TUT4: variants seen among roughly 807,000 people sequenced by gnomAD.
The protein encoded by TUT4 is terminal uridylyl transferase 4.
TUT4 carries 36 observed loss-of-function variants against 192.2 expected under a neutral mutation model. The observed-to-expected ratio is 0.19, with a 90% CI of 0.14 to 0.25. The LOEUF (loss-of-function observed/expected upper bound fraction) is 0.25. TUT4 is among the 10% of genes least tolerant of loss of function. TUT4 has a pLI of 1.00. For missense variants in TUT4, 1,493 were observed against 1,957.2 expected, an observed-to-expected ratio of 0.76 and a Z score of 4.47; for synonymous variants, 618 against 666.0, an observed-to-expected ratio of 0.93 and a Z score of 1.11.
At chr1:52,467,098 T>C (rs1018161942) in intron 15 of TUT4, among the ~76,000 whole-genome samples, 4 of 152,136 alleles carry the variant, frequency 2.6e-5, no homozygotes, top group African/African-American at 9.7e-5. Flanking sequence ...TGAGCTATGA[T>C]CATGCCACTG....
At chr1:52,468,928 C>A (rs545069876) in intron 14 of TUT4, among the ~76,000 whole-genome samples, 1 of 152,070 alleles carries the variant, frequency 6.6e-6, no homozygotes, top group African/African-American at 2.4e-5. Context: ...AAAGTTAACA[C>A]AGTAACAGAA....
chr1:52,449,350 G>A (rs566379091), intron 20 of TUT4, among the ~76,000 whole-genome samples: 3 of 152,156 alleles, frequency 2.0e-5, no homozygotes, highest in African/African-American at 7.2e-5. Context: ...CCAGGCTGGA[G>A]TGCAGTGGCA....
At chr1:52,464,831 T>C (rs1570591347) in intron 16 of TUT4, 1 of 351,262 alleles carries the variant, frequency 2.8e-6, no homozygotes, top group East Asian at 4.5e-5. Context: ...TCATTACAAA[T>C]CACTGTAACT....
At chr1:52,521,726 G>C (rs1680335233) in intron 2 of TUT4, among the ~76,000 whole-genome samples, 1 of 151,950 alleles carries the variant, frequency 6.6e-6, no homozygotes, top group African/African-American at 2.4e-5. Flanking sequence ...AGCACTTTGG[G>C]AGGCCAAGGT....
intron 1 of TUT4, among the ~76,000 whole-genome samples, chr1:52,551,235 A>G (rs956894277): frequency 6.6e-6 from 1 of 152,210 alleles, no homozygotes; most frequent in Non-Finnish European, 1.5e-5. Context: ...GACAATGAAA[A>G]TACTTTAAAT....
chr1:52,519,741 A>C (rs967461303), intron 2 of TUT4, among the ~76,000 whole-genome samples: 3 of 152,112 alleles, frequency 2.0e-5, no homozygotes, highest in African/African-American at 7.2e-5. Flanking sequence ...ACCCCTGACC[A>C]CAGGTGATCC....
intron 20 of TUT4, among the ~76,000 whole-genome samples, chr1:52,453,756 A>C (rs1437603361): frequency 6.6e-6 from 1 of 152,236 alleles, no homozygotes; most frequent in African/African-American, 2.4e-5. Flanking sequence ...TAATGCAATG[A>C]AACAAGAAAA....
chr1:52,455,607 TAA>T (rs34934935), intron 20 of TUT4, among the ~76,000 whole-genome samples: 22 of 40,560 alleles, frequency 5.4e-4, no homozygotes, highest in Middle Eastern at 0.026. Context: ...ACGCTACCTT[TAA>T]AAAAAAAAAA....
intron 20 of TUT4, among the ~76,000 whole-genome samples, chr1:52,455,632 A>G (rs978993264): frequency 7.0e-5 from 4 of 57,392 alleles, no homozygotes; most frequent in South Asian, 6.9e-4. Flanking sequence ...AAAAAAAAAG[A>G]CGGGGGAGAG....
intron 24 of TUT4, among the ~76,000 whole-genome samples, chr1:52,444,219 C>T (rs569304790): frequency 3.3e-5 from 5 of 152,104 alleles, no homozygotes; most frequent in African/African-American, 9.6e-5. Context: ...GGTGACAGAG[C>T]GAGACTCCGT....
In TUT4 at chr1:52,429,123, G is replaced by A. The variant is rs559009517; in HGVS notation, c.4711+1890C>T. Among the ~76,000 whole-genome samples the A allele has an allele frequency of 6.4e-3, 855 of 134,380 alleles. 6 individuals carry two copies. The highest frequency in any genetic ancestry group is 0.023 in the African/African-American group (791 of 35,114). The allele number at this position is 134,380 out of a possible 152,430, so 88.2% of individuals were successfully genotyped here. ...TTTTGAGATGGAGTCTCGCTCTGTC[G>A]CCCAGGCTGGAGTGCAGTGGCACGA... On this transcript the variant is annotated intron_variant, in intron 28 of 29. Coordinates refer to ENST00000257177, the MANE Select transcript of TUT4 (RefSeq NM_001009881.3).
chr1:52,511,645 G>A (rs1005660011), intron 3 of TUT4, among the ~76,000 whole-genome samples: 2 of 152,002 alleles, frequency 1.3e-5, no homozygotes, highest in Admixed American at 1.3e-4. Flanking sequence ...TCAAGCAGAG[G>A]GAAAAGTGAA....
chr1:52,535,374 C>T (rs1684632267), intron 1 of TUT4, among the ~76,000 whole-genome samples: 1 of 152,052 alleles, frequency 6.6e-6, no homozygotes, highest in Admixed American at 6.6e-5. Flanking sequence ...TCTAAGAACT[C>T]TCTCTAATTA....
chr1:52,423,946 C>A lies in TUT4; in HGVS notation c.4927G>T (p.Val1643Leu), dbSNP rs1040361172. 22 of 1,613,100 alleles carry A rather than the reference C, an allele frequency of 1.4e-5. No homozygotes were observed. The Admixed American group carries it at 3.2e-4, about 23-fold the overall frequency. The change falls in exon 30 of 30, where the codon GTG becomes TTG. Residue 1643 changes from valine (V) to leucine (L), a missense_variant. This residue lies in a region of TUT4 where 351 missense variants were observed against 397.8 expected (regional missense o/e 0.88). Coordinates refer to ENST00000257177, the MANE Select transcript of TUT4 (RefSeq NM_001009881.3). ...ERCPHPPRGN[V>L]SE ...AAAATGGACTCGCATTACTCCGACA[C>A]GTTTCCTCTTGGTGGGTGGGGACAA... is the stretch of plus-strand genomic sequence containing the variant.
rs373864881 is a variant in TUT4, at chr1:52,461,170, C to T, written c.3285G>A (p.Val1095=). 5.0e-6 allele frequency: 8 copies of T among 1,604,824 alleles called. No homozygotes were observed. In the African/African-American group the frequency reaches 9.4e-5, roughly 19 times the overall value. ...CTTTCATAGTATATCCCAAATACTGCACTCTAGGATCAATAGCTGCATAAG... is the reference window on the plus strand; with the variant it reads ...CTTTCATAGTATATCCCAAATACTGTACTCTAGGATCAATAGCTGCATAAG... ...LATYAAIDPR[V]QYLGYTMKVF... The change falls in exon 19 of 30, where the codon GTG becomes GTA. Residue 1095 remains valine (V), a synonymous_variant. Transcript: ENST00000257177.
intron 24 of TUT4, among the ~76,000 whole-genome samples, chr1:52,442,922 A>C (rs755797937): frequency 2.6e-5 from 4 of 152,216 alleles, no homozygotes; most frequent in Non-Finnish European, 5.9e-5. Flanking sequence ...AGAATTACTA[A>C]AAATTTGCAT....
intron 10 of TUT4, 38 bp downstream of exon 10, chr1:52,481,766 T>A (rs1381879737): frequency 6.4e-6 from 10 of 1,554,448 alleles, no homozygotes; most frequent in Non-Finnish European, 8.6e-6. Context: ...GCAAACTATA[T>A]ATATATATGC....
At chr1:52,514,374 G>C (rs1193520310) in intron 3 of TUT4, among the ~76,000 whole-genome samples, 1 of 152,200 alleles carries the variant, frequency 6.6e-6, no homozygotes, top group East Asian at 1.9e-4. Flanking sequence ...CCAGGAGGTA[G>C]AGGTTGCAGT....
At chr1:52,501,375 G>C (rs1439649289) in intron 4 of TUT4, among the ~76,000 whole-genome samples, 1 of 147,432 alleles carries the variant, frequency 6.8e-6, no homozygotes, top group African/African-American at 2.5e-5. Context: ...CTAATCATTA[G>C]AGAAATGCAA....
Sources: allele counts gnomAD v4.1 joint callset (sites outside exome capture counted in the v4.1 genomes callset), GRCh38; gene constraint gnomAD v4.1.1; regional missense constraint gnomAD v4.1.1; transcripts MANE v1.5; gene names NCBI Gene and HGNC (gene_info 2026-07-23, HGNC 2026-07-21).